Variants in FAM83G observed in about 807,000 individuals in gnomAD.
The protein encoded by FAM83G is protein FAM83G.
Under a neutral mutation model 61.5 loss-of-function variants are expected in FAM83G, and 38 were observed. That is an observed-to-expected ratio of 0.62 (90% CI 0.48 to 0.81). The LOEUF is 0.81. Ranked by LOEUF, FAM83G falls within the 30% of genes least tolerant of loss-of-function variation. FAM83G has a pLI of 0.00. For synonymous variants in FAM83G, 470 were observed against 476.1 expected (o/e 0.99, Z 0.17); for missense variants, 989 against 1,133.6 (o/e 0.87, Z 1.83).
intron 3 of FAM83G, among the ~76,000 whole-genome samples, chr17:18,985,584 C>G (rs1324317220): frequency 1.3e-5 from 2 of 152,158 alleles, no homozygotes; most frequent in Non-Finnish European, 2.9e-5. Context: ...GGGAGGTAGG[C>G]AGGGAAGGCA....
In FAM83G at chr17:18,978,847, G is replaced by T; in HGVS notation, c.819C>A (p.Phe273Leu). ...GDRAVCGSYS[F>L]TWSAARTDRN... is the part of the protein sequence containing the mutation. ...GGTCCGTCCGCGCGGCCGACCACGT[G>T]AAGCTGCAACAGAGGGAGGGGGCGC... The change falls in exon 5 of 6, where the codon TTC (phenylalanine) becomes TTA (leucine). Residue 273 changes from phenylalanine to leucine, a missense_variant. Coordinates refer to ENST00000388995, the MANE Select transcript of FAM83G (RefSeq NM_001039999.3). 1 of 1,611,512 alleles carries T rather than the reference G, an allele frequency of 6.2e-7. No individual in the cohort carries two copies. Among genetic ancestry groups the T allele is most frequent in the South Asian group, 1.1e-5 (1 of 91,054 alleles).
intron 4 of FAM83G, chr17:18,979,295 C>T (rs1045414342): frequency 2.4e-5 from 13 of 533,532 alleles, no homozygotes; most frequent in South Asian, 4.5e-5. Flanking sequence ...CATAGGCTTG[C>T]GAAGGCACGG....
intron 3 of FAM83G, among the ~76,000 whole-genome samples, chr17:18,982,595 G>A (rs781108905): frequency 1.3e-5 from 2 of 152,190 alleles, no homozygotes; most frequent in East Asian, 1.9e-4. Context: ...AGGGGAGGAC[G>A]GCCGGGTGGT....
chr17:18,979,805 G>T, intron 3 of FAM83G, 132 bp from the exon 4 acceptor site: 1 of 1,034,538 alleles, frequency 9.7e-7, no homozygotes, highest in South Asian at 1.5e-5. Context: ...AGGCTGTAAG[G>T]CCTGGAGAAA....
intron 2 of FAM83G, among the ~76,000 whole-genome samples, chr17:18,991,139 C>G (rs2043411879): frequency 6.6e-6 from 1 of 152,214 alleles, no homozygotes; most frequent in Non-Finnish European, 1.5e-5. Context: ...GCCACCTTGC[C>G]TAATTCTGTT....
At position 19,004,037 on chromosome 17, in the gene FAM83G, G is replaced by A. The variant is rs752442342; in HGVS notation, c.5C>T (p.Ala2Val). 6.3e-7 allele frequency: 1 copy of A among 1,584,704 alleles called. No individual in the cohort carries two copies. The highest frequency in any genetic ancestry group is 8.6e-7 in the Non-Finnish European group (1 of 1,163,084). M[A>V]FSQVQCLDDN... Reference sequence around the variant, plus strand: ...GTCCAGACACTGCACCTGAGAGAAGGCCATGGCGCCGCCTGCCCGGGCACT... The same window carrying A: ...GTCCAGACACTGCACCTGAGAGAAGACCATGGCGCCGCCTGCCCGGGCACT... The change falls in exon 2 of 6, where the codon GCC (alanine) becomes GTC (valine). Residue 2 changes from alanine to valine, a missense_variant. By Grantham distance (64) the Ala-to-Val change is moderately conservative. Around this residue, in one of 3 missense-constraint regions of FAM83G, gnomAD observed 371 missense variants for 404.5 expected, o/e 0.92. Transcript: ENST00000388995. The surrounding 1 kb of genome is among the most constrained non-coding windows in gnomAD (Gnocchi z 5.4).
intron 5 of FAM83G, among the ~76,000 whole-genome samples, chr17:18,974,820 T>C (rs2042939951): frequency 6.6e-6 from 1 of 152,076 alleles, no homozygotes; most frequent in Non-Finnish European, 1.5e-5. Context: ...AGGGAGTGAG[T>C]GCCGGCTTCC....
chr17:18,996,208 A>G lies in FAM83G; in HGVS notation c.522+7312T>C, dbSNP rs2043568237. 6.6e-6 allele frequency among the ~76,000 whole-genome samples: 1 copy of G among 151,660 alleles called. No homozygotes were observed. The highest frequency in any genetic ancestry group is 1.5e-5 in the Non-Finnish European group (1 of 68,018). On this transcript the variant is annotated intron_variant, in intron 2 of 5. Transcript: ENST00000388995. This position sits in a 1 kb window ranked among gnomAD's most constrained non-coding sequence, Gnocchi z 4.4. ...TTTCAAAACAAAAGGCAAACTAAAG[A>G]CTTTTTCAAATATAAAAAAGCTGAG...
chr17:18,979,853 G>T (rs1475841927), intron 3 of FAM83G, among the ~76,000 whole-genome samples, 180 bp from the exon 4 acceptor site: 1 of 152,206 alleles, frequency 6.6e-6, no homozygotes, highest in Non-Finnish European at 1.5e-5. Context: ...CTCAGGGTAA[G>T]GAGGGAGCTG....
chr17:19,000,793 A>AG lies in FAM83G; in HGVS notation c.522+2726dup. ...GGGGAGGTGGAAGCATGGGCACGAG[A>AG]GGTGATTCATGGGGAGAGATAAGGC... is the stretch of plus-strand genomic sequence containing the variant. On this transcript the variant is annotated intron_variant, in intron 2 of 5. Transcript: ENST00000388995. The surrounding 1 kb of genome is among the most constrained non-coding windows in gnomAD (Gnocchi z 5.2). Among the ~76,000 whole-genome samples, 1 of 152,184 alleles carries AG rather than the reference A, an allele frequency of 6.6e-6. No homozygotes were observed. Among genetic ancestry groups the AG allele is most frequent in the African/African-American group, 2.4e-5 (1 of 41,528 alleles).
chr17:18,976,826 C>T (rs2042991797), intron 5 of FAM83G: 1 of 1,610,922 alleles, frequency 6.2e-7, no homozygotes. Context: ...CAGGCTTGGA[C>T]TCACCCCGTC....
At chr17:19,005,914 G>T (rs1184600057), upstream of FAM83G, among the ~76,000 whole-genome samples, 1 of 152,210 alleles carries the variant, frequency 6.6e-6, no homozygotes, top group Non-Finnish European at 1.5e-5. Flanking sequence ...ATCCCAGCGG[G>T]GGAGCCCTGC....
intron 2 of FAM83G, among the ~76,000 whole-genome samples, chr17:19,002,829 G>A (rs1386789241): frequency 6.6e-6 from 1 of 152,180 alleles, no homozygotes; most frequent in East Asian, 1.9e-4. Context: ...GTGGAGAAGG[G>A]GAGGGCCAGA....
chr17:18,976,819 G>C, intron 5 of FAM83G: 3 of 1,609,864 alleles, frequency 1.9e-6, no homozygotes, highest in Non-Finnish European at 2.5e-6. Context: ...TGTCCCTCAG[G>C]CTTGGACTCA....
In FAM83G at chr17:18,977,650, C is replaced by T; in HGVS notation, c.2016G>A (p.Arg672=). ...PQGGSPWAQS[R]GREEADALKR... ...TCAACGCATCTGCTTCTTCTCTTCC[C>T]CGACTCTGGGCCCATGGGGAGCCAC... The change falls in exon 5 of 6, where the codon CGG becomes CGA. Residue 672 remains arginine, a synonymous_variant. Coordinates refer to ENST00000388995, the MANE Select transcript of FAM83G (RefSeq NM_001039999.3). 6.2e-7 allele frequency: 1 copy of T among 1,610,056 alleles called. No individual in the cohort carries two copies. Among genetic ancestry groups the T allele is most frequent in the African/African-American group, 1.3e-5 (1 of 75,042 alleles).
chr17:18,978,132 C>T lies in FAM83G; in HGVS notation c.1534G>A (p.Val512Met), dbSNP rs755031849. The change falls in exon 5 of 6, where the codon GTG (valine) becomes ATG (methionine). Residue 512 changes from valine (V) to methionine (M), a missense_variant. This residue lies in a region of FAM83G where 574 missense variants were observed against 645.1 expected (regional missense o/e 0.89). Coordinates refer to ENST00000388995, the MANE Select transcript of FAM83G (RefSeq NM_001039999.3). Reference protein sequence around the residue: ...PPVPKPRTVPVADVLARDSSD... With the variant: ...PPVPKPRTVPMADVLARDSSD... ...CTGTCCCGGGCTAGTACATCTGCCA[C>T]AGGGACTGTCCGGGGCTTGGGCACG... 1.8e-5 allele frequency: 27 copies of T among 1,520,336 alleles called. No individual in the cohort carries two copies. The East Asian group carries it at 3.2e-4, about 18-fold the overall frequency. The allele number at this position is 1,520,336 out of a possible 1,614,324, so 94.2% of individuals were successfully genotyped here.
chr17:18,982,507 G>A (rs1388714302), intron 3 of FAM83G, among the ~76,000 whole-genome samples: 1 of 152,246 alleles, frequency 6.6e-6, no homozygotes, highest in Non-Finnish European at 1.5e-5. Flanking sequence ...CAAGAGGGGT[G>A]CCCTGGAAAA....
intron 3 of FAM83G, among the ~76,000 whole-genome samples, chr17:18,986,939 G>C (rs556057604): frequency 6.6e-6 from 1 of 152,232 alleles, no homozygotes; most frequent in Non-Finnish European, 1.5e-5. Flanking sequence ...CTAATTACGC[G>C]GCGGGGAGTG....
intron 3 of FAM83G, among the ~76,000 whole-genome samples, chr17:18,987,943 C>T (rs1485618639): frequency 1.3e-5 from 2 of 152,192 alleles, no homozygotes; most frequent in African/African-American, 4.8e-5. Context: ...AACAGATAAC[C>T]GATGTGGCAT....
Sources: gnomAD v4.1 joint callset for allele counts (sites outside exome capture counted in the v4.1 genomes callset) on GRCh38, gnomAD v4.1.1 for gene constraint, gnomAD v4.1.1 regional missense constraint, Gnocchi (gnomAD v3.1) non-coding constraint, MANE v1.5 for transcripts, NCBI Gene and HGNC (gene_info 2026-07-23, HGNC 2026-07-21) for gene names.